The following ITPR1 variants were observed in gnomAD, a reference collection of about 807,000 sequenced individuals.
The protein encoded by ITPR1 is inositol 1,4,5-trisphosphate-gated calcium channel ITPR1.
ITPR1 carries 96 observed loss-of-function variants against 318.4 expected under a neutral mutation model. The ratio of observed to expected loss-of-function variants is 0.30; its 90% confidence interval spans 0.26 to 0.36. ITPR1 has a LOEUF of 0.36. ITPR1 is among the 10% of genes least tolerant of loss of function. The probability of loss-of-function intolerance (pLI) is 1.00; values close to 1 mark genes in which losing one functional copy is unlikely to be tolerated. For missense variants in ITPR1, 2,440 were observed against 3,460.2 expected (o/e 0.71, Z 7.40); for synonymous variants, 1,312 against 1,289.9 (o/e 1.02, Z -0.37).
chr3:4,662,422 G>C (rs1318679201), intron 15 of ITPR1, among the ~76,000 whole-genome samples, 180 bp downstream of exon 15: 4 of 152,050 alleles, frequency 2.6e-5, no homozygotes, highest in African/African-American at 9.7e-5. Context: ...TTCATTTTTT[G>C]AGTCTCTAAA....
chr3:4,730,847 C>T (rs2042879832), intron 42 of ITPR1, among the ~76,000 whole-genome samples: 1 of 152,196 alleles, frequency 6.6e-6, no homozygotes, highest in Admixed American at 6.5e-5. Flanking sequence ...GACCACTCAA[C>T]CCTATGCTCT....
At chr3:4,640,068 C>A (rs2093302442) in intron 6 of ITPR1, among the ~76,000 whole-genome samples, 1 of 152,316 alleles carries the variant, frequency 6.6e-6, no homozygotes, top group African/African-American at 2.4e-5. Flanking sequence ...CTCTCTGGGT[C>A]CATGCCAGTC....
intron 52 of ITPR1, among the ~76,000 whole-genome samples, chr3:4,793,320 G>T (rs2047689296): frequency 6.6e-6 from 1 of 152,194 alleles, no homozygotes; most frequent in Admixed American, 6.5e-5. Context: ...ACGAATGCTG[G>T]CTTACACAGA....
intron 61 of ITPR1, among the ~76,000 whole-genome samples, chr3:4,840,020 G>GCAT (rs2051217034): frequency 7.9e-6 from 1 of 126,530 alleles, no homozygotes; most frequent in East Asian, 2.4e-4. Context: ...GAAAAATTCA[G>GCAT]CATAGCTGCT....
intron 4 of ITPR1, among the ~76,000 whole-genome samples, chr3:4,537,821 T>A (rs144908625): frequency 1.3e-5 from 2 of 152,360 alleles, no homozygotes; most frequent in African/African-American, 4.8e-5. Flanking sequence ...AGATTTGTGT[T>A]GCTTTAAGCC....
chr3:4,536,208 G>A (rs77328136), intron 4 of ITPR1, among the ~76,000 whole-genome samples: 2 of 151,884 alleles, frequency 1.3e-5, no homozygotes, highest in African/African-American at 4.8e-5. Flanking sequence ...CATTGCTCTG[G>A]GTTTTCTTGA....
At chr3:4,782,499 G>A in intron 49 of ITPR1, 120 bp from the exon 50 acceptor site, 3 of 1,003,842 alleles carry the variant, frequency 3.0e-6, no homozygotes, top group Non-Finnish European at 4.3e-6. Context: ...AGCCCGATAG[G>A]AGAGAGTGCG....
At chr3:4,686,735 T>C (rs559291641) in intron 30 of ITPR1, among the ~76,000 whole-genome samples, 15 of 152,352 alleles carry the variant, frequency 9.8e-5, no homozygotes, top group African/African-American at 3.6e-4. Context: ...TTGATGTCTT[T>C]GGGGCTTGCT....
At chr3:4,792,155 TCA>T (rs1253408091) in intron 52 of ITPR1, among the ~76,000 whole-genome samples, 3 of 152,114 alleles carry the variant, frequency 2.0e-5, no homozygotes, top group African/African-American at 7.2e-5. Flanking sequence ...GTTCCCTCTC[TCA>T]CTCTCTCACC....
At chr3:4,712,382 T>C (rs2041442793) in intron 39 of ITPR1, among the ~76,000 whole-genome samples, 1 of 152,226 alleles carries the variant, frequency 6.6e-6, no homozygotes, top group African/African-American at 2.4e-5. Flanking sequence ...CTGATTGTTC[T>C]TAGTATATGC....
chr3:4,649,317 C>T (rs1461845027), intron 10 of ITPR1, among the ~76,000 whole-genome samples: 8 of 152,112 alleles, frequency 5.3e-5, no homozygotes, highest in African/African-American at 9.7e-5. Flanking sequence ...CATAGGAAGA[C>T]GTTGAATAGT....
intron 4 of ITPR1, among the ~76,000 whole-genome samples, chr3:4,602,920 G>C (rs1260883853): frequency 6.6e-6 from 1 of 152,062 alleles, no homozygotes; most frequent in African/African-American, 2.4e-5. Flanking sequence ...TCTGGAATTC[G>C]ATAGTGGTGG....
intron 31 of ITPR1, among the ~76,000 whole-genome samples, chr3:4,690,845 G>C (rs1177717764): frequency 6.6e-6 from 1 of 152,200 alleles, no homozygotes; most frequent in Non-Finnish European, 1.5e-5. Flanking sequence ...TAAATTGTGA[G>C]ATAAGGCATA....
intron 32 of ITPR1, 99 bp downstream of exon 32, chr3:4,691,443 C>A: frequency 1.3e-6 from 1 of 770,984 alleles, no homozygotes. Flanking sequence ...TCTTCAGGAG[C>A]CATACAGAAG....
chr3:4,711,900 GT>G, intron 39 of ITPR1, 32 bp downstream of exon 39: 2 of 1,190,212 alleles, frequency 1.7e-6, no homozygotes, highest in Non-Finnish European at 2.4e-6. Context: ...GTCAAACCAG[GT>G]TTTACTATGA....
chr3:4,841,473 C>G (rs1267411374), intron 61 of ITPR1, among the ~76,000 whole-genome samples: 1 of 152,212 alleles, frequency 6.6e-6, no homozygotes, highest in African/African-American at 2.4e-5. Flanking sequence ...CTTCTTTCAG[C>G]CAACACATAT....
rs912009212 is a variant in ITPR1, at chr3:4,692,752, T to G, written c.4030-738T>G. ...TATGGAGAGGAAGGCATATCTTAAT[T>G]AAAAGTAATTTGTTGATTGAAGAGA... On this transcript the variant is annotated intron_variant, in intron 32 of 61. Transcript: ENST00000649015. Among the ~76,000 whole-genome samples the G allele has an allele frequency of 7.6e-5, 9 of 118,646 alleles. No homozygotes were observed. In the South Asian group the frequency reaches 1.4e-3, roughly 18 times the overall value. The allele number at this position is 118,646 out of a possible 152,430, so 77.8% of individuals were successfully genotyped here. A position where few individuals can be genotyped will look rare whatever the true frequency, so the allele number is the denominator to read the frequency against.
At chr3:4,819,570 C>T (rs994999583) in intron 60 of ITPR1, among the ~76,000 whole-genome samples, 7 of 152,130 alleles carry the variant, frequency 4.6e-5, no homozygotes, top group Non-Finnish European at 7.3e-5. Flanking sequence ...AGGGGTTGTG[C>T]GAATGATGAG....
chr3:4,806,362 A>G (rs2048553174), intron 55 of ITPR1, 95 bp downstream of exon 55: 2 of 1,225,766 alleles, frequency 1.6e-6, no homozygotes, highest in Admixed American at 3.6e-5. Flanking sequence ...TTTAATGGTG[A>G]TTGGTGTGCC....
Sources: allele counts gnomAD v4.1 joint callset (sites outside exome capture counted in the v4.1 genomes callset), GRCh38; gene constraint gnomAD v4.1.1; transcripts MANE v1.5; gene names NCBI Gene and HGNC (gene_info 2026-07-23, HGNC 2026-07-21).